The following GNAO1 variants were observed in gnomAD, a reference collection of about 807,000 sequenced individuals.
The protein encoded by GNAO1 is G protein subunit alpha o1, also known as guanine nucleotide-binding protein G(o) subunit alpha.
For synonymous variants in GNAO1, 164 were observed against 180.7 expected, an observed-to-expected ratio of 0.91 and a Z score of 0.74; for missense variants, 166 against 478.7, an observed-to-expected ratio of 0.35 and a Z score of 6.10.
chr16:56,317,675 T>C (rs2037525664), intron 3 of GNAO1, among the ~76,000 whole-genome samples: 1 of 151,968 alleles, frequency 6.6e-6, no homozygotes, highest in African/African-American at 2.4e-5. Context: ...CAAGGTTTGA[T>C]AGGTAGGTAT....
chr16:56,294,957 GTTGT>G (rs1416619124), intron 3 of GNAO1, among the ~76,000 whole-genome samples: 8 of 151,992 alleles, frequency 5.3e-5, no homozygotes, highest in Admixed American at 5.2e-4. Context: ...CTTTTATTGG[GTTGT>G]TTGTCTTCTT....
chr16:56,196,189 G>C (rs1018409278), intron 2 of GNAO1, among the ~76,000 whole-genome samples: 3 of 152,026 alleles, frequency 2.0e-5, no homozygotes, highest in African/African-American at 4.8e-5. Context: ...CTCTGTGTCA[G>C]ACAATCCAAA....
chr16:56,284,133 A>G (rs1221663572), intron 3 of GNAO1, among the ~76,000 whole-genome samples: 1 of 152,226 alleles, frequency 6.6e-6, no homozygotes, highest in African/African-American at 2.4e-5. Flanking sequence ...CTTATTACTT[A>G]CAAATGCTTA....
chr16:56,264,633 GACTGATTTTGCCTGTTACTATTA>G (rs2036934710), intron 2 of GNAO1, among the ~76,000 whole-genome samples: 1 of 151,922 alleles, frequency 6.6e-6, no homozygotes, highest in African/African-American at 2.4e-5. Flanking sequence ...TCCTCTGGGG[GACTGATTTTGCCTGTTACTATTA>G]TTTTAGAACT....
chr16:56,269,201 G>A (rs1399827395), intron 2 of GNAO1, among the ~76,000 whole-genome samples: 4 of 152,176 alleles, frequency 2.6e-5, no homozygotes, highest in Non-Finnish European at 5.9e-5. Context: ...TTGGTAAATG[G>A]TAAATGAGCA....
chr16:56,355,914 TCA>T (rs1199409215), intron 8 of GNAO1, 187 bp from the exon 9 acceptor site: 4 of 140,074 alleles, frequency 2.9e-5, no homozygotes, highest in African/African-American at 1.2e-4. Context: ...AGTCAGGGTC[TCA>T]GGGGGGGGCC....
chr16:56,327,664 G>A (rs894728621), intron 3 of GNAO1, among the ~76,000 whole-genome samples: 4 of 152,146 alleles, frequency 2.6e-5, no homozygotes, highest in East Asian at 1.9e-4. Context: ...TTGAAAAGGC[G>A]ACCCCACTTT....
At chr16:56,222,503 C>T (rs2036499648) in intron 2 of GNAO1, among the ~76,000 whole-genome samples, 1 of 152,146 alleles carries the variant, frequency 6.6e-6, no homozygotes, top group African/African-American at 2.4e-5. Flanking sequence ...CCTCCCCACT[C>T]CCCAGACCTT....
At chr16:56,206,311 C>T (rs2036327759) in intron 2 of GNAO1, among the ~76,000 whole-genome samples, 1 of 140,468 alleles carries the variant, frequency 7.1e-6, no homozygotes, top group African/African-American at 2.7e-5. Context: ...CAGCGTGAGA[C>T]TCCATCTCAA....
At chr16:56,329,907 G>A (rs368559434) in intron 4 of GNAO1, among the ~76,000 whole-genome samples, 1 of 152,188 alleles carries the variant, frequency 6.6e-6, no homozygotes, top group Non-Finnish European at 1.5e-5. Context: ...ACCCCATAGT[G>A]TGCAGGACGG....
At chr16:56,213,382 G>T in intron 2 of GNAO1, 1 of 398,548 alleles carries the variant, frequency 2.5e-6, no homozygotes, top group South Asian at 1.3e-4. Flanking sequence ...TGTTAGGGGA[G>T]ACAGGCAATA....
chr16:56,332,913 G>A (rs763135324), intron 4 of GNAO1, among the ~76,000 whole-genome samples: 32 of 152,250 alleles, frequency 2.1e-4, no homozygotes, highest in Non-Finnish European at 4.0e-4. Flanking sequence ...AGGCACAGAG[G>A]CTTGGGAGAG....
At chr16:56,304,454 GACTT>G (rs2037374535) in intron 3 of GNAO1, among the ~76,000 whole-genome samples, 1 of 152,182 alleles carries the variant, frequency 6.6e-6, no homozygotes, top group Non-Finnish European at 1.5e-5. Flanking sequence ...AGATGTGCTG[GACTT>G]AACATAACAC....
At position 56,351,642 on chromosome 16, in the gene GNAO1, C is replaced by G; in HGVS notation, c.877+105C>G. The G allele has an allele frequency of 1.1e-6, 1 of 878,930 alleles. No individual in the cohort carries two copies. Among genetic ancestry groups the G allele is most frequent in the South Asian group, 1.6e-5 (1 of 63,296 alleles). The allele number at this position is 878,930 out of a possible 1,614,324, so 54.4% of individuals were successfully genotyped here. A position where few individuals can be genotyped will look rare whatever the true frequency, so the allele number is the denominator to read the frequency against. ...AGCACTGCTGGGGCTAGCTGGCGAG[C>G]GGGACCCATTGCAGGAGACTGGTGG... On this transcript the variant is annotated intron_variant, in intron 7 of 8. Transcript: ENST00000262493. The surrounding 1 kb of genome is among the most constrained non-coding windows in gnomAD (Gnocchi z 6.1).
intron 2 of GNAO1, among the ~76,000 whole-genome samples, chr16:56,240,901 G>A (rs966121257): frequency 6.6e-6 from 1 of 152,250 alleles, no homozygotes; most frequent in South Asian, 2.1e-4. Flanking sequence ...AGCCCACCCC[G>A]ATGGAGAAGG....
At chr16:56,231,022 G>C (rs2036584536) in intron 2 of GNAO1, among the ~76,000 whole-genome samples, 1 of 152,188 alleles carries the variant, frequency 6.6e-6, no homozygotes, top group South Asian at 2.1e-4. Flanking sequence ...TTCTTATCTG[G>C]TTAATCCCCA....
At chr16:56,336,636 C>A in intron 5 of GNAO1, 95 bp from the exon 6 acceptor site, 1 of 1,157,088 alleles carries the variant, frequency 8.6e-7, no homozygotes, top group Non-Finnish European at 1.2e-6. Flanking sequence ...GCACCATGGC[C>A]CCCATCCTCT....
At chr16:56,211,838 A>G (rs1323667198) in intron 2 of GNAO1, among the ~76,000 whole-genome samples, 1 of 152,208 alleles carries the variant, frequency 6.6e-6, no homozygotes, top group Non-Finnish European at 1.5e-5. Context: ...GGCTGTGCAA[A>G]GGCATGGGGA....
chr16:56,351,839 A>G lies in GNAO1; in HGVS notation c.877+302A>G. Reference sequence around the variant, plus strand: ...ACAGGCTTCCCCCTTCCTCCTGGTCACCCTCTAGAAGAGGTCTCAGGACAG... The same window carrying G: ...ACAGGCTTCCCCCTTCCTCCTGGTCGCCCTCTAGAAGAGGTCTCAGGACAG... On this transcript the variant is annotated intron_variant, in intron 7 of 8. Transcript: ENST00000262493. This position sits in a 1 kb window ranked among gnomAD's most constrained non-coding sequence, Gnocchi z 6.1. 3.0e-6 allele frequency: 1 copy of G among 337,870 alleles called. No homozygotes were observed. The highest frequency in any genetic ancestry group is 5.5e-6 in the Non-Finnish European group (1 of 181,208). 20.9% of individuals were successfully genotyped at this position (337,870 alleles called of 1,614,324 possible). A position where few individuals can be genotyped will look rare whatever the true frequency, so the allele number is the denominator to read the frequency against.
Sources: gnomAD v4.1 joint callset for allele counts (sites outside exome capture counted in the v4.1 genomes callset) on GRCh38, gnomAD v4.1.1 for gene constraint, Gnocchi (gnomAD v3.1) non-coding constraint, MANE v1.5 for transcripts, NCBI Gene and HGNC (gene_info 2026-07-23, HGNC 2026-07-21) for gene names.